Variants in ATP2C2 observed in about 807,000 individuals in gnomAD.
ATP2C2 encodes the protein calcium-transporting ATPase type 2C member 2.
A neutral mutation model predicts 110.8 loss-of-function variants in ATP2C2; 171 were observed. The observed-to-expected ratio is 1.54, with a 90% CI of 1.36 to 1.75. ATP2C2 has a LOEUF of 1.75. ATP2C2 is among the 40% of genes most tolerant of loss of function. The pLI, the probability that ATP2C2 is intolerant of heterozygous loss-of-function variation, is 0.00. For synonymous variants in ATP2C2, 804 were observed against 508.4 expected (o/e 1.58, Z -7.82); for missense variants, 1,963 against 1,235.0 (o/e 1.59, Z -8.84).
chr16:84,409,877 G>T (rs75589308), intron 4 of ATP2C2, among the ~76,000 whole-genome samples: 5 of 152,084 alleles, frequency 3.3e-5, no homozygotes, highest in Non-Finnish European at 7.3e-5. Context: ...TACAAACACA[G>T]ACTCATTCCA....
chr16:84,453,350 G>C lies in ATP2C2; in HGVS notation c.1959G>C (p.Lys653Asn). Residue 653 changes from lysine to asparagine, a missense_variant, in exon 20 of 27, where the codon AAG (lysine) becomes AAC (asparagine). By Grantham distance (94) the Lys-to-Asn change is moderately conservative. Transcript: ENST00000262429. Reference sequence around the variant, plus strand: ...CCGTGTTCTTCAGGACCAGCCCAAAGCACAAGCTCAAAATCATCAAGGTTC... The same window carrying C: ...CCGTGTTCTTCAGGACCAGCCCAAACCACAAGCTCAAAATCATCAAGGTTC... The part of the protein sequence containing the change: ...KVSVFFRTSP[K>N]HKLKIIKALQ... 3.1e-6 allele frequency: 5 copies of C among 1,614,186 alleles called. No homozygotes were observed. The highest frequency in any genetic ancestry group is 4.2e-6 in the Non-Finnish European group (5 of 1,180,024).
intron 21 of ATP2C2, among the ~76,000 whole-genome samples, chr16:84,458,609 C>T (rs903367057): frequency 6.6e-6 from 1 of 152,020 alleles, no homozygotes; most frequent in Non-Finnish European, 1.5e-5. Flanking sequence ...AATTGTTTTT[C>T]TACATTAGTG....
chr16:84,456,380 A>G (rs1050756157), intron 21 of ATP2C2, among the ~76,000 whole-genome samples: 14 of 151,996 alleles, frequency 9.2e-5, no homozygotes, highest in Admixed American at 7.9e-4. Context: ...TCCACAGCCA[A>G]TATCATACTG....
intron 1 of ATP2C2, among the ~76,000 whole-genome samples, chr16:84,396,320 C>A (rs926009762): frequency 1.3e-5 from 2 of 151,870 alleles, no homozygotes; most frequent in Non-Finnish European, 2.9e-5. Flanking sequence ...CTGAGGCAGG[C>A]AGATCACCTG....
At chr16:84,406,653 T>C (rs1417028077) in intron 3 of ATP2C2, 8 of 985,282 alleles carry the variant, frequency 8.1e-6, no homozygotes, top group Non-Finnish European at 9.6e-6. Context: ...CTTCTGGGTA[T>C]GTAGGTGGTT....
In ATP2C2 at chr16:84,440,849, C is replaced by T. The variant is rs1256557307; in HGVS notation, c.1210-8C>T. ...TGGCGAAACCCTTTCTTCTGCCTCG[C>T]CCTGCAGGTCAGCGGAGTTGGGTAT... On this transcript the variant is annotated splice_region_variant and splice_polypyrimidine_tract_variant and intron_variant, in intron 13 of 26. Coordinates refer to ENST00000262429, the MANE Select transcript of ATP2C2 (RefSeq NM_014861.4). The T allele has an allele frequency of 1.2e-6, 2 of 1,608,940 alleles. No homozygotes were observed. Among genetic ancestry groups the T allele is most frequent in the Admixed American group, 1.7e-5 (1 of 59,546 alleles).
chr16:84,410,583 G>A lies in ATP2C2; in HGVS notation c.433G>A (p.Val145Ile), dbSNP rs369709332. The A allele has an allele frequency of 5.0e-6, 8 of 1,614,064 alleles. No individual in the cohort carries two copies. The highest frequency in any genetic ancestry group is 6.8e-6 in the Non-Finnish European group (8 of 1,179,994). Reference sequence around the variant, plus strand: ...TGCTGTCTAGGCAGTGCTTGTCGTGGTCACTGTCGCCTTCATCCAGGTGAG... The same window carrying A: ...TGCTGTCTAGGCAGTGCTTGTCGTGATCACTGTCGCCTTCATCCAGGTGAG... ...VSIATAVLVV[V>I]TVAFIQEYRS... Residue 145 changes from valine (V) to isoleucine (I), a missense_variant, in exon 5 of 27, where the codon GTC becomes ATC. Val to Ile is a conservative substitution (Grantham distance 29). Coordinates refer to ENST00000262429, the MANE Select transcript of ATP2C2 (RefSeq NM_014861.4).
chr16:84,402,532 C>T (rs1233576223), intron 2 of ATP2C2, among the ~76,000 whole-genome samples: 4 of 152,064 alleles, frequency 2.6e-5, no homozygotes, highest in Non-Finnish European at 5.9e-5. Flanking sequence ...AATTCTGTCA[C>T]GTTTTTTCAG....
chr16:84,446,397 G>A lies in ATP2C2; in HGVS notation c.1470G>A (p.Lys490=), dbSNP rs990880225. 1.2e-6 allele frequency: 2 copies of A among 1,606,934 alleles called. No homozygotes were observed. The highest frequency in any genetic ancestry group is 1.1e-5 in the South Asian group (1 of 89,424). The part of the protein sequence containing the change: ...KKEIPFSSEQ[K]WMAVKCSLKT... Reference sequence around the variant, plus strand: ...AGATTCCATTCAGTTCAGAGCAGAAGTGGATGGCGGTGAAATGCAGTCTGA... The same window carrying A: ...AGATTCCATTCAGTTCAGAGCAGAAATGGATGGCGGTGAAATGCAGTCTGA... Residue 490 remains lysine, a synonymous_variant, in exon 16 of 27, where the codon AAG becomes AAA. Coordinates refer to ENST00000262429, the MANE Select transcript of ATP2C2 (RefSeq NM_014861.4).
At chr16:84,413,248 A>G (rs931951610) in intron 6 of ATP2C2, among the ~76,000 whole-genome samples, 3 of 152,146 alleles carry the variant, frequency 2.0e-5, no homozygotes, top group South Asian at 4.2e-4. Flanking sequence ...GAGCTTTAGT[A>G]TATATCCCAG....
chr16:84,420,538 T>C (rs1427157352), intron 7 of ATP2C2, among the ~76,000 whole-genome samples: 2 of 151,364 alleles, frequency 1.3e-5, no homozygotes, highest in African/African-American at 4.9e-5. Flanking sequence ...AAAATTCAGC[T>C]CAGGGTTCCC....
At position 84,462,071 on chromosome 16, in the gene ATP2C2, G is replaced by C. The variant is rs562493115; in HGVS notation, c.2664G>C (p.Ala888=). The change falls in exon 26 of 27, where the codon GCG becomes GCC. Residue 888 remains alanine, a synonymous_variant. Transcript: ENST00000262429. ...SVLGSILGQL[A]VIYIPPLQRV... The stretch of plus-strand genomic sequence containing the variant: ...TGGGGTCCATCCTGGGGCAGCTGGC[G>C]GTCATTTACATCCCCCCGCTGCAGA... 4 of 1,614,036 alleles carry C rather than the reference G, an allele frequency of 2.5e-6. No homozygotes were observed. Among genetic ancestry groups the C allele is most frequent in the Non-Finnish European group, 3.4e-6 (4 of 1,179,966 alleles).
intron 1 of ATP2C2, among the ~76,000 whole-genome samples, chr16:84,396,174 T>G (rs1904959978): frequency 6.6e-6 from 1 of 152,126 alleles, no homozygotes. Context: ...GTAATTGGGC[T>G]CTTATCCTGA....
intron 17 of ATP2C2, among the ~76,000 whole-genome samples, chr16:84,451,438 C>T (rs191172101): frequency 5.8e-4 from 89 of 152,344 alleles, no homozygotes; most frequent in African/African-American, 2.0e-3. Flanking sequence ...TGTGCACCTG[C>T]GCAGGCCTGA....
chr16:84,439,286 T>C lies in ATP2C2; in HGVS notation c.1107T>C (p.Thr369=), dbSNP rs200849669. Residue 369 remains threonine (T), a synonymous_variant, in exon 12 of 27, where the codon ACT becomes ACC. Coordinates refer to ENST00000262429, the MANE Select transcript of ATP2C2 (RefSeq NM_014861.4). ...TGAAGAAGTTACCCATCGTGGAGACTTTAGGTGAGGGACTCCAGCTGGTGG... is the reference window on the plus strand; with the variant it reads ...TGAAGAAGTTACCCATCGTGGAGACCTTAGGTGAGGGACTCCAGCTGGTGG... ...VIVKKLPIVE[T]LGCCSVLCSD... 1,179 of 1,612,926 alleles carry C rather than the reference T, an allele frequency of 7.3e-4. 2 individuals carry two copies. Among genetic ancestry groups the C allele is most frequent in the Middle Eastern group, 1.2e-3 (6 of 5,212 alleles).
At chr16:84,383,765 G>T (rs1192197204) in intron 1 of ATP2C2, among the ~76,000 whole-genome samples, 129 of 145,330 alleles carry the variant, frequency 8.9e-4, no homozygotes, top group Middle Eastern at 6.9e-3. Context: ...GTGTGTTGGG[G>T]GTGGGGGTGT....
At chr16:84,455,228 G>A (rs144459326) in intron 21 of ATP2C2, among the ~76,000 whole-genome samples, 7 of 152,066 alleles carry the variant, frequency 4.6e-5, no homozygotes, top group African/African-American at 1.2e-4. Flanking sequence ...GGAATGTTAC[G>A]GATATGAAGC....
rs948418834 is a variant in ATP2C2, at chr16:84,455,071, G to GGA, written c.2147+88_2147+89insAG. The GGA allele has an allele frequency of 4.1e-5, 57 of 1,376,200 alleles. 3 individuals are homozygous for GGA. The South Asian group carries it at 5.3e-4, about 13-fold the overall frequency. 85.2% of individuals were successfully genotyped at this position (1,376,200 alleles called of 1,614,324 possible). A position where few individuals can be genotyped will look rare whatever the true frequency, so the allele number is the denominator to read the frequency against. On this transcript the variant is annotated intron_variant, in intron 21 of 26. Coordinates refer to ENST00000262429, the MANE Select transcript of ATP2C2 (RefSeq NM_014861.4). ...TGGAACCTGCTACTGTGGAGATAGAGGGGGGGGTCTCGCGGAGTCCCCAGG... is the reference window on the plus strand; with the variant it reads ...TGGAACCTGCTACTGTGGAGATAGAGGAGGGGGGGTCTCGCGGAGTCCCCAGG...
chr16:84,459,077 A>T (rs693552), intron 21 of ATP2C2, 43 bp from the exon 22 acceptor site: 6 of 1,609,088 alleles, frequency 3.7e-6, no homozygotes, highest in Non-Finnish European at 5.1e-6. Context: ...TCCAGCCCTC[A>T]CGCAGGCCCG....
Sources: gnomAD v4.1 joint callset for allele counts (sites outside exome capture counted in the v4.1 genomes callset) on GRCh38, gnomAD v4.1.1 for gene constraint, MANE v1.5 for transcripts, NCBI Gene and HGNC (gene_info 2026-07-23, HGNC 2026-07-21) for gene names.